Variants in NUP62CL observed in about 807,000 individuals in gnomAD.
NUP62CL encodes the protein nucleoporin 62 C-terminal like.
A neutral mutation model predicts 15.3 loss-of-function variants in NUP62CL; 13 were observed. The ratio of observed to expected loss-of-function variants is 0.85; its 90% CI spans 0.55 to 1.35. The LOEUF (loss-of-function observed/expected upper bound fraction) is 1.35. Ranked by LOEUF, NUP62CL falls within the 40% of genes most tolerant of loss-of-function variation. NUP62CL has a pLI of 0.00. For missense variants in NUP62CL, 123 were observed against 130.6 expected, an observed-to-expected ratio of 0.94 and a Z score of 0.28; for synonymous variants, 54 against 49.2, an observed-to-expected ratio of 1.10 and a Z score of -0.41.
intron 2 of NUP62CL, among the ~76,000 whole-genome samples, chrX:107,188,616 A>G (rs1927131159): frequency 1.8e-5 from 2 of 111,798 alleles, no homozygotes; most frequent in South Asian, 7.5e-4. Context: ...CAGTGCTGGA[A>G]GTTCTAGCTA....
intron 4 of NUP62CL, among the ~76,000 whole-genome samples, chrX:107,162,460 A>G (rs1035061240): frequency 9.9e-5 from 11 of 111,197 alleles, no homozygotes; most frequent in Admixed American, 2.9e-4. Context: ...AAAGACAAAG[A>G]AAAAAAAATC....
intron 8 of NUP62CL, among the ~76,000 whole-genome samples, chrX:107,143,732 A>G (rs1020628558): frequency 3.6e-5 from 4 of 112,232 alleles, no homozygotes; most frequent in Non-Finnish European, 7.5e-5. Flanking sequence ...TGTTAAAATA[A>G]CACATCTATT....
chrX:107,185,399 T>C (rs1162031390), intron 2 of NUP62CL, among the ~76,000 whole-genome samples: 1 of 111,175 alleles, frequency 9.0e-6, no homozygotes, highest in Non-Finnish European at 1.9e-5. Context: ...TAACCCTGTC[T>C]GATATGGCTC....
At chrX:107,155,869 C>T (rs192232122) in intron 4 of NUP62CL, among the ~76,000 whole-genome samples, 2,048 of 112,001 alleles carry the variant, frequency 0.018, 45 homozygotes, top group African/African-American at 0.063. Flanking sequence ...TCTGAGGTAC[C>T]GGGTTCATCT....
chrX:107,135,536 T>C (rs1201326548), intron 8 of NUP62CL, among the ~76,000 whole-genome samples: 1 of 111,498 alleles, frequency 9.0e-6, no homozygotes, highest in Non-Finnish European at 1.9e-5. Context: ...AGTAAAGGGT[T>C]AATAAAACCT....
At chrX:107,165,283 C>T (rs1372775022) in intron 4 of NUP62CL, among the ~76,000 whole-genome samples, 3 of 107,772 alleles carry the variant, frequency 2.8e-5, no homozygotes, top group Non-Finnish European at 3.8e-5. Flanking sequence ...CTAGCCTGGG[C>T]GTCACAGTGA....
intron 8 of NUP62CL, among the ~76,000 whole-genome samples, chrX:107,129,563 G>A (rs185972536): frequency 6.2e-5 from 7 of 112,440 alleles, no homozygotes; most frequent in African/African-American, 2.3e-4. Flanking sequence ...CTCTAGCCAG[G>A]AGCTGGAAGT....
chrX:107,181,850 T>C lies in NUP62CL; in HGVS notation c.-47-6657A>G, dbSNP rs193260722. Among the ~76,000 whole-genome samples, 12 of 112,405 alleles carry C rather than the reference T, an allele frequency of 1.1e-4. 1 individual carries two copies. In the Admixed American group the frequency reaches 1.1e-3, roughly 11 times the overall value. ...TAAAAGTTTACTCCTATGCATCTCA[T>C]ACTTTTGGCTGAAATTGTTAATTAG... is the stretch of plus-strand genomic sequence containing the variant. On this transcript the variant is annotated intron_variant, in intron 2 of 8. Coordinates refer to ENST00000372466, the MANE Select transcript of NUP62CL (RefSeq NM_017681.3).
chrX:107,127,627 A>T (rs1925419970), intron 8 of NUP62CL, among the ~76,000 whole-genome samples: 1 of 111,682 alleles, frequency 9.0e-6, no homozygotes, highest in Admixed American at 9.5e-5. Context: ...AGACTTCTAG[A>T]AACTGTAATT....
intron 7 of NUP62CL, among the ~76,000 whole-genome samples, chrX:107,151,985 G>A (rs761314429): frequency 2.1e-5 from 2 of 97,369 alleles, no homozygotes; most frequent in African/African-American, 3.8e-5. Flanking sequence ...AGCCGAGATC[G>A]TGCCACTGCA....
At chrX:107,201,097 C>G (rs753653432) in intron 1 of NUP62CL, among the ~76,000 whole-genome samples, 79 of 111,592 alleles carry the variant, frequency 7.1e-4, no homozygotes, top group African/African-American at 2.5e-3. Context: ...TCACTTTTTT[C>G]ATGGCCTCAC....
At chrX:107,168,127 A>T (rs1926558607) in intron 3 of NUP62CL, among the ~76,000 whole-genome samples, 1 of 111,896 alleles carries the variant, frequency 8.9e-6, no homozygotes, top group African/African-American at 3.2e-5. Context: ...ACTTTCAAGA[A>T]AAGAATAATT....
At chrX:107,182,237 G>A (rs1345592895) in intron 2 of NUP62CL, among the ~76,000 whole-genome samples, 1 of 111,854 alleles carries the variant, frequency 8.9e-6, no homozygotes, top group African/African-American at 3.3e-5. Context: ...ATTCTTTGCT[G>A]TGGGGGACTG....
chrX:107,152,089 TATATATTCAG>T (rs1248227506), intron 7 of NUP62CL, among the ~76,000 whole-genome samples: 17 of 76,181 alleles, frequency 2.2e-4, no homozygotes, highest in African/African-American at 3.0e-4. Context: ...GATATATATA[TATATATTCAG>T]ATATATATAT....
intron 4 of NUP62CL, among the ~76,000 whole-genome samples, chrX:107,156,906 G>C (rs1316728771): frequency 1.2e-5 from 1 of 84,843 alleles, no homozygotes; most frequent in Non-Finnish European, 2.3e-5. Flanking sequence ...TGTATAACTA[G>C]AATAACCAAT....
At chrX:107,178,565 C>T (rs1926838834) in intron 2 of NUP62CL, among the ~76,000 whole-genome samples, 1 of 111,952 alleles carries the variant, frequency 8.9e-6, no homozygotes, top group African/African-American at 3.2e-5. Context: ...CACATAATTA[C>T]AGATATTCTA....
At chrX:107,184,623 C>T (rs760505678) in intron 2 of NUP62CL, among the ~76,000 whole-genome samples, 61 of 111,253 alleles carry the variant, frequency 5.5e-4, no homozygotes, top group African/African-American at 1.9e-3. Flanking sequence ...ACTTTCGTGT[C>T]ATCAGAGACA....
intron 3 of NUP62CL, among the ~76,000 whole-genome samples, chrX:107,170,413 CT>C (rs35571930): frequency 1.3e-3 from 122 of 94,601 alleles, no homozygotes; most frequent in Middle Eastern, 5.6e-3. Flanking sequence ...ATTATTTTAA[CT>C]TTTTTTTTTT....
chrX:107,152,292 A>G (rs917011285), intron 7 of NUP62CL, among the ~76,000 whole-genome samples: 4 of 104,605 alleles, frequency 3.8e-5, no homozygotes, highest in Admixed American at 2.1e-4. Flanking sequence ...ATGTAACTCT[A>G]TATGTTTCAA....
Sources: gnomAD v4.1 joint callset for allele counts (sites outside exome capture counted in the v4.1 genomes callset) on GRCh38, gnomAD v4.1.1 for gene constraint, MANE v1.5 for transcripts, NCBI Gene and HGNC (gene_info 2026-07-23, HGNC 2026-07-21) for gene names.